Variants in PSMA3 observed in about 807,000 individuals in gnomAD.
PSMA3 encodes proteasome 20S subunit alpha 3.
A neutral mutation model predicts 40.0 loss-of-function variants in PSMA3; 8 were observed. That is an observed-to-expected ratio of 0.20 (90% CI 0.12 to 0.36). The LOEUF (loss-of-function observed/expected upper bound fraction) is 0.36. Ranked by LOEUF, PSMA3 falls within the 10% of genes least tolerant of loss-of-function variation. The pLI, the probability that PSMA3 is intolerant of heterozygous loss-of-function variation, is 1.00. For synonymous variants in PSMA3, 110 were observed against 100.0 expected (o/e 1.10, Z -0.59); for missense variants, 219 against 310.6 (o/e 0.70, Z 2.22).
In PSMA3 at chr14:58,257,834, C is replaced by T. The variant is rs377189095; in HGVS notation, c.318C>T (p.Asn106=). Residue 106 remains asparagine, a synonymous_variant, in exon 4 of 11, where the codon AAC becomes AAT. Transcript: ENST00000216455. ...ACTTCAGATCTAACTTTGGCTACAACATTCCACTAAAAGTAAGTTGATAAC... is the reference window on the plus strand; with the variant it reads ...ACTTCAGATCTAACTTTGGCTACAATATTCCACTAAAAGTAAGTTGATAAC... ...ASNFRSNFGY[N]IPLKHLADRV... The T allele has an allele frequency of 1.2e-6, 2 of 1,613,300 alleles. No individual in the cohort carries two copies. Among genetic ancestry groups the T allele is most frequent in the Non-Finnish European group, 1.7e-6 (2 of 1,179,378 alleles).
In PSMA3 at chr14:58,256,043, G is replaced by A. The variant is rs183549978; in HGVS notation, c.229-1702G>A. ...CTGACTAATTTTTGTATTTTTAGTA[G>A]GGGTTTCACCATGTTGTCCAGGCTG... On this transcript the variant is annotated intron_variant, in intron 3 of 10. Coordinates refer to ENST00000216455, the MANE Select transcript of PSMA3 (RefSeq NM_002788.4). Among the ~76,000 whole-genome samples the A allele has an allele frequency of 7.2e-5, 11 of 152,064 alleles. No individual in the cohort carries two copies. In the East Asian group the frequency reaches 1.8e-3, roughly 24 times the overall value.
chr14:58,270,556 C>T (rs1890584985), intron 9 of PSMA3, 71 bp downstream of exon 9: 1 of 1,598,924 alleles, frequency 6.3e-7, no homozygotes, highest in African/African-American at 1.3e-5. Context: ...ACTGAGTGTC[C>T]TTTCTAATAT....
At chr14:58,247,646 T>G in intron 1 of PSMA3, 104 bp from the exon 2 acceptor site, 1 of 701,066 alleles carries the variant, frequency 1.4e-6, no homozygotes, top group African/African-American at 1.8e-5. Flanking sequence ...AGGTCTTTGT[T>G]GGGATATAAC....
intron 7 of PSMA3, chr14:58,265,545 AG>A (rs34096389): frequency 2.6e-5 from 4 of 152,232 alleles, no homozygotes; most frequent in Non-Finnish European, 4.4e-5. Flanking sequence ...CATTTGGAAC[AG>A]GGAACAGAAA....
At chr14:58,246,394 TA>T (rs1317738576) in intron 1 of PSMA3, among the ~76,000 whole-genome samples, 17 of 152,330 alleles carry the variant, frequency 1.1e-4, no homozygotes, top group African/African-American at 2.6e-4. Context: ...TTAGCAAGTT[TA>T]TTTTTTTATT....
chr14:58,262,426 G>A (rs901122669), intron 6 of PSMA3, among the ~76,000 whole-genome samples: 1 of 152,032 alleles, frequency 6.6e-6, no homozygotes, highest in African/African-American at 2.4e-5. Flanking sequence ...GGCTGGTCTC[G>A]AACTCCTGAT....
intron 5 of PSMA3, 141 bp downstream of exon 5, chr14:58,258,139 A>G (rs1218257282): frequency 3.1e-6 from 2 of 645,560 alleles, no homozygotes; most frequent in Non-Finnish European, 2.6e-6. Flanking sequence ...AAAACAGTGT[A>G]CATAGAAACT....
At chr14:58,245,921 C>A (rs910277571) in intron 1 of PSMA3, among the ~76,000 whole-genome samples, 1 of 152,178 alleles carries the variant, frequency 6.6e-6, no homozygotes, top group Non-Finnish European at 1.5e-5. Context: ...TTCTGCCATA[C>A]TTTTCTTGGA....
intron 8 of PSMA3, among the ~76,000 whole-genome samples, chr14:58,269,123 C>T (rs1271470046): frequency 1.3e-5 from 2 of 152,044 alleles, no homozygotes; most frequent in African/African-American, 4.8e-5. Context: ...TTAGTAGAGA[C>T]AGGCTTTACC....
At chr14:58,267,683 G>A in intron 8 of PSMA3, 163 bp downstream of exon 8, 1 of 1,210,892 alleles carries the variant, frequency 8.3e-7, no homozygotes, top group Non-Finnish European at 1.0e-6. Context: ...GGAAGAAAAT[G>A]TTTTTAAGCA....
intron 5 of PSMA3, among the ~76,000 whole-genome samples, chr14:58,259,337 T>C (rs545603721): frequency 1.9e-4 from 29 of 152,204 alleles, no homozygotes; most frequent in Middle Eastern, 3.4e-3. Flanking sequence ...TGTTTTGAGA[T>C]GGAGTCTCGC....
At position 58,248,706 on chromosome 14, in the gene PSMA3, G is replaced by A. The variant is rs530991451; in HGVS notation, c.104+874G>A. Among the ~76,000 whole-genome samples the A allele has an allele frequency of 3.3e-5, 5 of 151,990 alleles. No homozygotes were observed. The South Asian group carries it at 8.3e-4, about 25-fold the overall frequency. The stretch of plus-strand genomic sequence containing the variant: ...GTGGTGGCTCACGCCTGTAATCCCA[G>A]CACTTTGGGAGGCTGAGGCGGGCGG... On this transcript the variant is annotated intron_variant, in intron 2 of 10. Coordinates refer to ENST00000216455, the MANE Select transcript of PSMA3 (RefSeq NM_002788.4).
chr14:58,271,101 C>A, intron 10 of PSMA3, 103 bp downstream of exon 10: 1 of 645,726 alleles, frequency 1.5e-6, no homozygotes. Context: ...ACCCCCATCC[C>A]TAATTTAAAA....
Position 58,263,885 on chromosome 14 carries a change from C to CT in PSMA3, c.543+115_543+116insT, listed in dbSNP as rs1179568127. ...GTCCAATCATTTGGCTTCCCTGGGC[C>CT]ACACATAAAATACACCAACACTAAT... On this transcript the variant is annotated intron_variant, in intron 7 of 10. Coordinates refer to ENST00000216455, the MANE Select transcript of PSMA3 (RefSeq NM_002788.4). 4 of 882,722 alleles carry CT rather than the reference C, an allele frequency of 4.5e-6. No individual in the cohort carries two copies. In the African/African-American group the frequency reaches 6.7e-5, roughly 15 times the overall value. The allele number at this position is 882,722 out of a possible 1,614,324, so 54.7% of individuals were successfully genotyped here.
chr14:58,250,091 G>A (rs764892665), intron 2 of PSMA3, among the ~76,000 whole-genome samples: 5 of 151,642 alleles, frequency 3.3e-5, no homozygotes, highest in Admixed American at 6.6e-5. Context: ...ATGGCAGTGC[G>A]CGCCTGTAAT....
At chr14:58,254,083 G>A (rs576772291) in intron 3 of PSMA3, among the ~76,000 whole-genome samples, 38 of 151,288 alleles carry the variant, frequency 2.5e-4, no homozygotes, top group Admixed American at 4.6e-4. Flanking sequence ...AGGCCCCATT[G>A]TCTGTTGTTC....
At chr14:58,247,894 G>A in intron 2 of PSMA3, 62 bp downstream of exon 2, 3 of 1,150,222 alleles carry the variant, frequency 2.6e-6, no homozygotes, top group Non-Finnish European at 3.8e-6. Flanking sequence ...TTGGCGATTA[G>A]GCTTTGTTAT....
At chr14:58,247,930 G>C (rs1166750230) in intron 2 of PSMA3, 98 bp downstream of exon 2, 1 of 727,062 alleles carries the variant, frequency 1.4e-6, no homozygotes, top group African/African-American at 1.8e-5. Flanking sequence ...ATTAGTATAT[G>C]TCCCCAAATC....
In PSMA3 at chr14:58,257,854, G is replaced by A. The variant is rs1397905085; in HGVS notation, c.330+8G>A. 1 of 1,612,576 alleles carries A rather than the reference G, an allele frequency of 6.2e-7. No individual in the cohort carries two copies. The highest frequency in any genetic ancestry group is 1.1e-5 in the South Asian group (1 of 91,056). On this transcript the variant is annotated splice_region_variant and intron_variant, in intron 4 of 10. Coordinates refer to ENST00000216455, the MANE Select transcript of PSMA3 (RefSeq NM_002788.4). ...TACAACATTCCACTAAAAGTAAGTT[G>A]ATAACATATTGAGGAACCTTTTGGA... is the stretch of plus-strand genomic sequence containing the variant.
Sources: gnomAD v4.1 joint callset for allele counts (sites outside exome capture counted in the v4.1 genomes callset) on GRCh38, gnomAD v4.1.1 for gene constraint, MANE v1.5 for transcripts, NCBI Gene and HGNC (gene_info 2026-07-23, HGNC 2026-07-21) for gene names.